The following PDK3 variants were observed in gnomAD, a reference collection of about 807,000 sequenced individuals.
PDK3 encodes the protein pyruvate dehydrogenase kinase 3.
Under a neutral mutation model 32.0 loss-of-function variants are expected in PDK3, and 12 were observed. The ratio of observed to expected loss-of-function variants is 0.37; its 90% CI spans 0.24 to 0.61. The LOEUF (loss-of-function observed/expected upper bound fraction) is 0.61, where lower values mean the gene tolerates loss of function less well. PDK3 is among the 20% of genes least tolerant of loss of function. The pLI is 0.65. For missense variants in PDK3, 188 were observed against 316.9 expected (o/e 0.59, Z 3.09); for synonymous variants, 122 against 116.3 (o/e 1.05, Z -0.31).
At chrX:24,514,188 C>T (rs1039118973) in intron 5 of PDK3, among the ~76,000 whole-genome samples, 3 of 112,264 alleles carry the variant, frequency 2.7e-5, no homozygotes, top group East Asian at 2.8e-4. Flanking sequence ...TTTCTTAAAA[C>T]GGATTCATGG....
intron 6 of PDK3, 110 bp downstream of exon 6, chrX:24,519,120 C>A: frequency 2.0e-6 from 1 of 490,275 alleles, no homozygotes; most frequent in Non-Finnish European, 3.4e-6. Context: ...TTTTCATTTT[C>A]TTATATCTTT....
exon 12 of PDK3, among the ~76,000 whole-genome samples, chrX:24,540,198 A>G (rs1446465955): frequency 8.9e-6 from 1 of 112,193 alleles, no homozygotes; most frequent in Non-Finnish European, 1.9e-5. Flanking sequence ...GGGAATTAGC[A>G]GACGATTTGG....
intron 3 of PDK3, among the ~76,000 whole-genome samples, chrX:24,499,794 A>C (rs1442131751): frequency 8.9e-6 from 1 of 112,142 alleles, no homozygotes; most frequent in African/African-American, 3.2e-5. Flanking sequence ...CGTCTGAGCC[A>C]TGAGTAGCTA....
downstream of PDK3, among the ~76,000 whole-genome samples, chrX:24,535,181 A>C (rs777610912): frequency 8.9e-6 from 1 of 112,361 alleles, no homozygotes; most frequent in African/African-American, 3.2e-5. Context: ...CTGTATTAAC[A>C]AAAAAGCAGT....
chrX:24,490,855 G>A (rs1921537454), intron 1 of PDK3, among the ~76,000 whole-genome samples: 1 of 111,487 alleles, frequency 9.0e-6, no homozygotes, highest in Non-Finnish European at 1.9e-5. Flanking sequence ...CTCCTAACAG[G>A]CTGCCAACTT....
intron 1 of PDK3, among the ~76,000 whole-genome samples, chrX:24,471,903 G>A (rs762878378): frequency 8.9e-6 from 1 of 111,877 alleles, no homozygotes; most frequent in East Asian, 2.8e-4. Context: ...GGATAGCATT[G>A]CCATCCTTTT....
chrX:24,534,023 A>T lies in PDK3; in HGVS notation c.1172A>T (p.Asn391Ile). Residue 391 changes from asparagine to isoleucine, a missense_variant, in exon 11 of 11, where the codon AAT becomes ATT. Asn to Ile is a moderately radical substitution (Grantham distance 149, BLOSUM62 -3). Coordinates refer to ENST00000379162, the MANE Select transcript of PDK3 (RefSeq NM_005391.5). ...KTTPEADDWS[N>I]PSSEPRDASK... ...ACGCCTGAAGCCGATGATTGGAGCAATCCCAGCAGTGAACCCAGGGATGCT... is the reference window on the plus strand; with the variant it reads ...ACGCCTGAAGCCGATGATTGGAGCATTCCCAGCAGTGAACCCAGGGATGCT... The T allele has an allele frequency of 8.3e-7, 1 of 1,210,384 alleles. No individual in the cohort carries two copies. The highest frequency in any genetic ancestry group is 1.1e-6 in the Non-Finnish European group (1 of 894,734).
At chrX:24,539,416 C>T (rs1383144587), downstream of PDK3, 1 of 359,821 alleles carries the variant, frequency 2.8e-6, no homozygotes. Context: ...CCGAAGAGCA[C>T]AGAGCCTCCT....
At chrX:24,499,422 T>C (rs1442311168) in intron 3 of PDK3, among the ~76,000 whole-genome samples, 2 of 112,063 alleles carry the variant, frequency 1.8e-5, no homozygotes, top group African/African-American at 6.5e-5. Flanking sequence ...TTCATTTTTA[T>C]TTATCCCAGG....
downstream of PDK3, among the ~76,000 whole-genome samples, chrX:24,534,875 T>C (rs1922737231): frequency 8.9e-6 from 1 of 112,460 alleles, no homozygotes; most frequent in Non-Finnish European, 1.9e-5. Flanking sequence ...GAGGATCACT[T>C]GAGCCCAGGA....
At chrX:24,492,303 A>G (rs1921582948) in intron 1 of PDK3, among the ~76,000 whole-genome samples, 1 of 111,797 alleles carries the variant, frequency 8.9e-6, no homozygotes, top group Admixed American at 9.5e-5. Context: ...TCAAAAATGC[A>G]CTTGGCCAGG....
intron 5 of PDK3, among the ~76,000 whole-genome samples, chrX:24,510,430 T>A (rs1182827175): frequency 8.9e-6 from 1 of 112,322 alleles, no homozygotes; most frequent in African/African-American, 3.2e-5. Context: ...AAAGTGCTCA[T>A]CGAAGAAAGT....
At chrX:24,536,642 A>AT (rs771194406), downstream of PDK3, among the ~76,000 whole-genome samples, 6 of 111,627 alleles carry the variant, frequency 5.4e-5, no homozygotes, top group East Asian at 1.7e-3. Context: ...ATATGTTTTA[A>AT]TTGGCACTTA....
chrX:24,499,028 A>G (rs774354188), intron 3 of PDK3, 128 bp downstream of exon 3: 1 of 358,557 alleles, frequency 2.8e-6, no homozygotes, highest in Admixed American at 6.6e-5. Context: ...CTTAATGAGT[A>G]GTGACTCAAC....
rs889180413 is a variant in PDK3, at chrX:24,503,608, T to C, written c.505+97T>C. ...TTAATTTACTGACCTGCATTTTTGG[T>C]TGTAGAAATTTCATTTCTAGTTCGG... On this transcript the variant is annotated intron_variant, in intron 4 of 10. Transcript: ENST00000379162. 4.9e-6 allele frequency: 3 copies of C among 611,270 alleles called. No individual in the cohort carries two copies. The African/African-American group carries it at 6.9e-5, about 14-fold the overall frequency. The allele number at this position is 611,270 out of a possible 1,213,427, so 50.4% of individuals were successfully genotyped here. A position where few individuals can be genotyped will look rare whatever the true frequency, so the allele number is the denominator to read the frequency against.
Position 24,534,182 on chromosome X carries a change from G to A in PDK3, c.*110G>A. On this transcript the variant is annotated 3_prime_UTR_variant, in exon 11 of 11. Coordinates refer to ENST00000379162, the MANE Select transcript of PDK3 (RefSeq NM_005391.5). ...TAGAGGTATTCACAACAGCAAGCAGGGATTTGGCCTGCCATCAATTTTATT... is the reference window on the plus strand; with the variant it reads ...TAGAGGTATTCACAACAGCAAGCAGAGATTTGGCCTGCCATCAATTTTATT... 2.1e-6 allele frequency: 2 copies of A among 974,282 alleles called. No homozygotes were observed. The highest frequency in any genetic ancestry group is 1.0e-4 in the South Asian group (2 of 19,441). 80.3% of individuals were successfully genotyped at this position (974,282 alleles called of 1,213,427 possible). A position where few individuals can be genotyped will look rare whatever the true frequency, so the allele number is the denominator to read the frequency against.
At chrX:24,532,637 C>T (rs759996856) in intron 10 of PDK3, among the ~76,000 whole-genome samples, 2 of 111,909 alleles carry the variant, frequency 1.8e-5, no homozygotes, top group East Asian at 5.6e-4. Context: ...AGTCTCTCCT[C>T]CCACTGGCCC....
At chrX:24,531,339 C>T (rs1339651493) in intron 9 of PDK3, among the ~76,000 whole-genome samples, 2 of 111,753 alleles carry the variant, frequency 1.8e-5, no homozygotes, top group East Asian at 2.8e-4. Flanking sequence ...GGATTACAGG[C>T]GTGAGCCACT....
At chrX:24,505,468 G>A (rs934193086) in intron 5 of PDK3, among the ~76,000 whole-genome samples, 170 bp downstream of exon 5, 4 of 111,809 alleles carry the variant, frequency 3.6e-5, no homozygotes, top group Non-Finnish European at 7.5e-5. Context: ...AGTTCAGGTA[G>A]GCAGTTCTTT....
Sources: allele counts gnomAD v4.1 joint callset (sites outside exome capture counted in the v4.1 genomes callset), GRCh38; gene constraint gnomAD v4.1.1; transcripts MANE v1.5; gene names NCBI Gene and HGNC (gene_info 2026-07-23, HGNC 2026-07-21).